LPCAT2: variants seen among roughly 807,000 people sequenced by gnomAD.
LPCAT2 encodes the protein lysophosphatidylcholine acyltransferase 2, also known as 1-AGP acyltransferase 11.
In LPCAT2, 58 loss-of-function variants were observed where a neutral mutation model predicts 64.7. That is an observed-to-expected ratio of 0.90 (90% CI 0.73 to 1.12). The LOEUF is 1.12. Ranked by LOEUF, LPCAT2 falls within the 50% of genes most tolerant of loss-of-function variation. LPCAT2 has a pLI of 0.00. For missense variants in LPCAT2, 579 were observed against 669.8 expected (o/e 0.86, Z 1.50); for synonymous variants, 252 against 245.3 (o/e 1.03, Z -0.26).
At position 55,579,169 on chromosome 16, in the gene LPCAT2, G is replaced by A; in HGVS notation, c.1375G>A (p.Ala459Thr). Residue 459 changes from alanine to threonine, a missense_variant, in exon 13 of 14, where the codon GCT (alanine) becomes ACT (threonine). Physicochemically the swap from Ala to Thr is moderately conservative, Grantham distance 58. Transcript: ENST00000262134. ...GGAAGAGTTCTCCACCATTCTACAG[G>A]CTTCCCTTGGAGTGCCTGACCTTGA... ...TEEEFSTILQ[A>T]SLGVPDLDVS... is the part of the protein sequence containing the mutation. 1 of 1,613,492 alleles carries A rather than the reference G, an allele frequency of 6.2e-7. No homozygotes were observed.
At position 55,567,526 on chromosome 16, in the gene LPCAT2, T is replaced by A. The variant is rs764794402; in HGVS notation, c.1216-7105T>A. On this transcript the variant is annotated intron_variant, in intron 11 of 13. Coordinates refer to ENST00000262134, the MANE Select transcript of LPCAT2 (RefSeq NM_017839.5). ...TGAAGTGGGAACTGAGAAGTCAAGATCCTCCCTGGAGGACAGGACTGAAAA... is the reference window on the plus strand; with the variant it reads ...TGAAGTGGGAACTGAGAAGTCAAGAACCTCCCTGGAGGACAGGACTGAAAA... 1.2e-5 allele frequency: 20 copies of A among 1,602,718 alleles called. No homozygotes were observed. In the Admixed American group the frequency reaches 3.0e-4, roughly 24 times the overall value.
At chr16:55,522,632 A>G (rs1288164522) in intron 1 of LPCAT2, among the ~76,000 whole-genome samples, 2 of 151,756 alleles carry the variant, frequency 1.3e-5, no homozygotes, top group African/African-American at 2.4e-5. Context: ...AGAAGTATAG[A>G]TCAACAGATC....
intron 11 of LPCAT2, among the ~76,000 whole-genome samples, chr16:55,571,892 T>C (rs1168240494): frequency 1.3e-5 from 2 of 152,148 alleles, no homozygotes; most frequent in Non-Finnish European, 2.9e-5. Flanking sequence ...TTTTGTCTCA[T>C]TTTTTTCATT....
At position 55,533,343 on chromosome 16, in the gene LPCAT2, G is replaced by A. The variant is rs796871194; in HGVS notation, c.762+461G>A. On this transcript the variant is annotated intron_variant, in intron 6 of 13. Coordinates refer to ENST00000262134, the MANE Select transcript of LPCAT2 (RefSeq NM_017839.5). ...CTTACTAATTGTGTGAGCCTTGGTA[G>A]TAAGTAACTTAATTAAATAAGAAAA... Among the ~76,000 whole-genome samples, 9 of 149,026 alleles carry A rather than the reference G, an allele frequency of 6.0e-5. No homozygotes were observed. In the East Asian group the frequency reaches 1.4e-3, roughly 23 times the overall value.
intron 11 of LPCAT2, among the ~76,000 whole-genome samples, chr16:55,560,964 T>C (rs1473094229): frequency 6.6e-6 from 1 of 152,082 alleles, no homozygotes; most frequent in Admixed American, 6.6e-5. Flanking sequence ...TGTCATTAAC[T>C]GTTAGTTCCT....
rs77895370 is a variant in LPCAT2, at chr16:55,581,897, C to T, written c.1451-1017C>T. Among the ~76,000 whole-genome samples, 1,474 of 152,266 alleles carry T rather than the reference C, an allele frequency of 9.7e-3. 8 individuals are homozygous for T. The highest frequency in any genetic ancestry group is 0.016 in the Non-Finnish European group (1,081 of 68,020). The stretch of plus-strand genomic sequence containing the variant: ...TGTAGCCCTATCTCAGCTTCTAAAA[C>T]ACTTGAGATAAAAAGAACTCCTCTA... On this transcript the variant is annotated intron_variant, in intron 13 of 13. Transcript: ENST00000262134.
rs1380063017 is a variant in LPCAT2, at chr16:55,586,328, G to A, written c.*3230G>A. On this transcript the variant is annotated 3_prime_UTR_variant, in exon 14 of 14. Coordinates refer to ENST00000262134, the MANE Select transcript of LPCAT2 (RefSeq NM_017839.5). Reference sequence around the variant, plus strand: ...AACAAGCCACATGTTCTAACAAATTGTCTCCATCGCACTTCAACAGCCAGG... The same window carrying A: ...AACAAGCCACATGTTCTAACAAATTATCTCCATCGCACTTCAACAGCCAGG... 3 of 151,984 alleles carry A rather than the reference G, an allele frequency of 2.0e-5. No homozygotes were observed. Among genetic ancestry groups the A allele is most frequent in the African/African-American group, 7.2e-5 (3 of 41,382 alleles). The allele number at this position is 151,984 out of a possible 1,614,324, so 9.4% of individuals were successfully genotyped here. A position where few individuals can be genotyped will look rare whatever the true frequency, so the allele number is the denominator to read the frequency against.
Position 55,525,657 on chromosome 16 carries a change from A to G in LPCAT2, c.311+10A>G. ...TAACTGGTTGGAGGAGGTAAGAAAT[A>G]ATTTTGTCCAAAATATTAGGACATA... On this transcript the variant is annotated intron_variant, in intron 2 of 13. Coordinates refer to ENST00000262134, the MANE Select transcript of LPCAT2 (RefSeq NM_017839.5). The G allele has an allele frequency of 6.3e-7, 1 of 1,590,970 alleles. No homozygotes were observed. The highest frequency in any genetic ancestry group is 8.5e-7 in the Non-Finnish European group (1 of 1,170,464).
rs1394402290 is a variant in LPCAT2, at chr16:55,574,729, G to C, written c.1314G>C (p.Lys438Asn). The change falls in exon 12 of 14, where the codon AAG becomes AAC. Residue 438 changes from lysine to asparagine, a missense_variant and splice_region_variant. Physicochemically the swap from Lys to Asn is moderately conservative, Grantham distance 94. Coordinates refer to ENST00000262134, the MANE Select transcript of LPCAT2 (RefSeq NM_017839.5). ...NTEEIIQVAF[K>N]LFDVDEDGYI... Reference sequence around the variant, plus strand: ...AGGAGATCATCCAGGTGGCATTTAAGGTACTGTCAGCCCCATTGAAAGCAT... The same window carrying C: ...AGGAGATCATCCAGGTGGCATTTAACGTACTGTCAGCCCCATTGAAAGCAT... The C allele has an allele frequency of 6.2e-7, 1 of 1,611,790 alleles. No individual in the cohort carries two copies. Among genetic ancestry groups the C allele is most frequent in the Non-Finnish European group, 8.5e-7 (1 of 1,178,096 alleles).
chr16:55,556,085 G>A lies in LPCAT2; in HGVS notation c.1215+4983G>A, dbSNP rs1409645333. Among the ~76,000 whole-genome samples, 3 of 152,144 alleles carry A rather than the reference G, an allele frequency of 2.0e-5. No individual in the cohort carries two copies. In the East Asian group the frequency reaches 5.8e-4, roughly 29 times the overall value. ...CCAACTTGGCTTCCCAAAGTGCTGG[G>A]ATTACAGGTGTGAGTTACCACACCA... On this transcript the variant is annotated intron_variant, in intron 11 of 13. Transcript: ENST00000262134.
intron 2 of LPCAT2, among the ~76,000 whole-genome samples, chr16:55,527,996 A>ATGTG (rs1321506020): frequency 6.6e-6 from 1 of 152,136 alleles, no homozygotes; most frequent in Admixed American, 6.5e-5. Context: ...TCAGTAGGGG[A>ATGTG]TGTGTGTTGA....
intron 2 of LPCAT2, 50 bp downstream of exon 2, chr16:55,525,697 T>G (rs1230029286): frequency 7.1e-7 from 1 of 1,413,372 alleles, no homozygotes; most frequent in Non-Finnish European, 9.5e-7. Flanking sequence ...TAAATTAAGA[T>G]ATACTAAATC....
intron 10 of LPCAT2, among the ~76,000 whole-genome samples, chr16:55,550,582 A>T (rs1297363159): frequency 1.3e-5 from 2 of 152,046 alleles, no homozygotes; most frequent in African/African-American, 4.8e-5. Flanking sequence ...TTTCCCTGAG[A>T]TATTTGAGAT....
chr16:55,525,752 T>A, intron 2 of LPCAT2, 105 bp downstream of exon 2: 2 of 761,554 alleles, frequency 2.6e-6, no homozygotes, highest in Non-Finnish European at 3.7e-6. Flanking sequence ...ATCTAACTGC[T>A]GTTAGATAAA....
rs1963922820 is a variant in LPCAT2, at chr16:55,584,506, T to C, written c.*1408T>C. 1 of 152,178 alleles carries C rather than the reference T, an allele frequency of 6.6e-6. No individual in the cohort carries two copies. The highest frequency in any genetic ancestry group is 6.6e-5 in the Admixed American group (1 of 15,266). 9.4% of individuals were successfully genotyped at this position (152,178 alleles called of 1,614,324 possible). A position where few individuals can be genotyped will look rare whatever the true frequency, so the allele number is the denominator to read the frequency against. ...CACACATGCATATTGCTAATATCAT[T>C]CATGTTTGAGGTTTTCAACAAAGAA... On this transcript the variant is annotated 3_prime_UTR_variant, in exon 14 of 14. Coordinates refer to ENST00000262134, the MANE Select transcript of LPCAT2 (RefSeq NM_017839.5).
At chr16:55,516,847 C>T (rs1479624107) in intron 1 of LPCAT2, among the ~76,000 whole-genome samples, 1 of 152,072 alleles carries the variant, frequency 6.6e-6, no homozygotes, top group Admixed American at 6.6e-5. Flanking sequence ...TTCTAGTGCC[C>T]ATGGAACATT....
In LPCAT2 at chr16:55,532,646, A is replaced by T. The variant is rs1963268997; in HGVS notation, c.704-178A>T. On this transcript the variant is annotated intron_variant, in intron 5 of 13. Coordinates refer to ENST00000262134, the MANE Select transcript of LPCAT2 (RefSeq NM_017839.5). ...TATTTTGCTTCAGTAGTTCTTAATT[A>T]AAAAAAAAAAATCCCTCATTTTGGT... 2.7e-5 allele frequency: 5 copies of T among 182,072 alleles called. No homozygotes were observed. In the Admixed American group the frequency reaches 4.5e-4, roughly 17 times the overall value. 11.3% of individuals were successfully genotyped at this position (182,072 alleles called of 1,614,324 possible). A position where few individuals can be genotyped will look rare whatever the true frequency, so the allele number is the denominator to read the frequency against.
At position 55,509,081 on chromosome 16, in the gene LPCAT2, C is replaced by G. The variant is rs1260000486; in HGVS notation, c.-101C>G. ...ACTTCAGCGCCTGCGCAGAGGCTCC[C>G]CAGCGTCGCCCTAGGCTGGGACTCT... On this transcript the variant is annotated 5_prime_UTR_variant, in exon 1 of 14. Transcript: ENST00000262134. The G allele has an allele frequency of 9.4e-7, 1 of 1,065,168 alleles. No individual in the cohort carries two copies. Among genetic ancestry groups the G allele is most frequent in the Non-Finnish European group, 1.2e-6 (1 of 823,330 alleles). The allele number at this position is 1,065,168 out of a possible 1,614,324, so 66.0% of individuals were successfully genotyped here. A position where few individuals can be genotyped will look rare whatever the true frequency, so the allele number is the denominator to read the frequency against.
At chr16:55,541,794 T>G in intron 8 of LPCAT2, 5 of 1,107,144 alleles carry the variant, frequency 4.5e-6, no homozygotes, top group South Asian at 4.1e-5. Context: ...TGGCACATAG[T>G]AAGTGTTCAA....
Sources: allele counts gnomAD v4.1 joint callset (sites outside exome capture counted in the v4.1 genomes callset), GRCh38; gene constraint gnomAD v4.1.1; transcripts MANE v1.5; gene names NCBI Gene and HGNC (gene_info 2026-07-23, HGNC 2026-07-21).